FHIT: variants seen among roughly 807,000 people sequenced by gnomAD.
The protein encoded by FHIT is fragile histidine triad diadenosine triphosphatase.
FHIT carries 19 observed loss-of-function variants against 17.9 expected under a neutral mutation model. The ratio of observed to expected loss-of-function variants is 1.06; its 90% CI spans 0.74 to 1.56. FHIT has a LOEUF of 1.56. Ranked by LOEUF, FHIT falls within the 40% of genes most tolerant of loss-of-function variation. FHIT has a pLI of 0.00. For missense variants in FHIT, 248 were observed against 189.2 expected, an observed-to-expected ratio of 1.31 and a Z score of -1.82; for synonymous variants, 81 against 69.7, an observed-to-expected ratio of 1.16 and a Z score of -0.81.
chr3:60,709,224 C>A (rs1359140347), intron 4 of FHIT, among the ~76,000 whole-genome samples: 3 of 152,102 alleles, frequency 2.0e-5, no homozygotes, highest in African/African-American at 7.2e-5. Context: ...TGTAAATATA[C>A]ATATTTTCCC....
chr3:60,051,171 A>G (rs1701862087), intron 5 of FHIT, among the ~76,000 whole-genome samples: 1 of 152,152 alleles, frequency 6.6e-6, no homozygotes, highest in African/African-American at 2.4e-5. Flanking sequence ...GCCTCTCAGC[A>G]GGAGTCATGT....
intron 5 of FHIT, among the ~76,000 whole-genome samples, chr3:60,053,374 C>T (rs914572396): frequency 8.8e-5 from 13 of 148,546 alleles, no homozygotes; most frequent in African/African-American, 7.5e-5. Context: ...TGTCCCTAGC[C>T]CTTAGCAAAA....
chr3:60,712,201 A>G (rs555194098), intron 4 of FHIT, among the ~76,000 whole-genome samples: 7 of 152,164 alleles, frequency 4.6e-5, no homozygotes, highest in Admixed American at 2.6e-4. Context: ...AAGGAGAAAT[A>G]AAATCCTTTA....
chr3:60,555,221 G>A (rs1181114532), intron 4 of FHIT, among the ~76,000 whole-genome samples: 2 of 150,926 alleles, frequency 1.3e-5, no homozygotes, highest in African/African-American at 4.9e-5. Flanking sequence ...GTTCTTCCAG[G>A]CCCTCAGAAG....
At chr3:59,995,295 T>C (rs992272890) in intron 7 of FHIT, among the ~76,000 whole-genome samples, 2 of 152,128 alleles carry the variant, frequency 1.3e-5, no homozygotes, top group African/African-American at 2.4e-5. Context: ...CTCTTGAATC[T>C]AACTGAAGAT....
chr3:60,408,699 T>C (rs1049022966), intron 5 of FHIT, among the ~76,000 whole-genome samples: 2 of 152,132 alleles, frequency 1.3e-5, no homozygotes, highest in Admixed American at 1.3e-4. Flanking sequence ...CATTTACTTA[T>C]CAACTTGGTA....
chr3:60,724,742 A>C (rs188295187), intron 4 of FHIT, among the ~76,000 whole-genome samples: 1 of 142,834 alleles, frequency 7.0e-6, no homozygotes, highest in Non-Finnish European at 1.5e-5. Flanking sequence ...ACCACCTCCC[A>C]GGTTCAAGCA....
In FHIT at chr3:60,114,036, AATATATATATATATATAT is replaced by A. The variant is rs1157736530; in HGVS notation, c.104-99902_104-99885del. Among the ~76,000 whole-genome samples, 109 of 10,220 alleles carry A rather than the reference AATATATATATATATATAT, an allele frequency of 0.011. 7 individuals carry two copies. In the East Asian group the frequency reaches 0.17, roughly 16 times the overall value. The allele number at this position is 10,220 out of a possible 152,430, so 6.7% of individuals were successfully genotyped here. A position where few individuals can be genotyped will look rare whatever the true frequency, so the allele number is the denominator to read the frequency against. On this transcript the variant is annotated intron_variant, in intron 5 of 9. Coordinates refer to ENST00000492590, the MANE Select transcript of FHIT (RefSeq NM_002012.4). ...AAAAAAAAAAAAAAAAAAAAAAAAA[AATATATATATATATATAT>A]ATATATATATATATATATAATGTTA...
chr3:60,205,979 A>C (rs1214211322), intron 5 of FHIT, among the ~76,000 whole-genome samples: 2 of 150,976 alleles, frequency 1.3e-5, no homozygotes, highest in African/African-American at 4.9e-5. Flanking sequence ...AAAAAAATAA[A>C]AAAATTAGCC....
chr3:60,924,436 AC>A (rs1707465511), intron 3 of FHIT, among the ~76,000 whole-genome samples: 1 of 152,178 alleles, frequency 6.6e-6, no homozygotes, highest in Non-Finnish European at 1.5e-5. Context: ...CTGGTGAAAC[AC>A]AGGCAAACAG....
At position 60,106,516 on chromosome 3, in the gene FHIT, C is replaced by G. The variant is rs6806516; in HGVS notation, c.104-92364G>C. On this transcript the variant is annotated intron_variant, in intron 5 of 9. Coordinates refer to ENST00000492590, the MANE Select transcript of FHIT (RefSeq NM_002012.4). ...AGGAAGACATGAACAGAAATGTGTT[C>G]GTTCCTACTGATGGCAATTAGGTTC... Among the ~76,000 whole-genome samples the G allele has an allele frequency of 2.3e-4, 35 of 152,256 alleles. No individual in the cohort carries two copies. In the South Asian group the frequency reaches 6.6e-3, roughly 29 times the overall value.
chr3:60,786,058 G>T (rs1396291146), intron 4 of FHIT, among the ~76,000 whole-genome samples: 1 of 152,202 alleles, frequency 6.6e-6, no homozygotes, highest in African/African-American at 2.4e-5. Flanking sequence ...TACATTCAGT[G>T]TGAATTAGTA....
intron 5 of FHIT, among the ~76,000 whole-genome samples, chr3:60,157,216 G>C (rs929319002): frequency 6.6e-6 from 1 of 152,112 alleles, no homozygotes. Context: ...AAATGCAAAA[G>C]GGCCTGAAAG....
At chr3:60,750,660 A>C (rs573788036) in intron 4 of FHIT, among the ~76,000 whole-genome samples, 2 of 152,246 alleles carry the variant, frequency 1.3e-5, no homozygotes, top group African/African-American at 4.8e-5. Context: ...AAGTCCAATA[A>C]ACCTCTTTCT....
rs540572192 is a variant in FHIT at position 60,346,070 on chromosome 3, T to G, written c.103+190790A>C. Among the ~76,000 whole-genome samples, 3 of 152,304 alleles carry G rather than the reference T, an allele frequency of 2.0e-5. No homozygotes were observed. The South Asian group carries it at 6.2e-4, about 32-fold the overall frequency. On this transcript the variant is annotated intron_variant, in intron 5 of 9. Coordinates refer to ENST00000492590, the MANE Select transcript of FHIT (RefSeq NM_002012.4). ...AATCCCAAGGGCAACTGGTTTAACG[T>G]AATAGAGAAAGTCCTGGCTAGGGAA...
At chr3:61,188,741 A>C (rs529638043) in intron 2 of FHIT, among the ~76,000 whole-genome samples, 23 of 152,232 alleles carry the variant, frequency 1.5e-4, no homozygotes, top group African/African-American at 5.5e-4. Context: ...ACCATGATCA[A>C]GTGGGCTTCA....
intron 5 of FHIT, among the ~76,000 whole-genome samples, chr3:60,380,532 T>G (rs1359003685): frequency 6.6e-6 from 1 of 152,084 alleles, no homozygotes; most frequent in Non-Finnish European, 1.5e-5. Context: ...GCGAGGATAC[T>G]GAGACTCACA....
intron 1 of FHIT, among the ~76,000 whole-genome samples, chr3:61,224,192 T>C (rs2039908501): frequency 6.6e-6 from 1 of 152,222 alleles, no homozygotes; most frequent in Non-Finnish European, 1.5e-5. Flanking sequence ...GCCGTATAGT[T>C]CTAGTTCACA....
intron 5 of FHIT, among the ~76,000 whole-genome samples, chr3:60,059,243 G>A (rs571877897): frequency 2.2e-4 from 34 of 152,292 alleles, no homozygotes; most frequent in African/African-American, 7.2e-4. Context: ...GGGCGAGTGA[G>A]CACAAGCATG....
Sources: gnomAD v4.1 joint callset for allele counts (sites outside exome capture counted in the v4.1 genomes callset) on GRCh38, gnomAD v4.1.1 for gene constraint, MANE v1.5 for transcripts, NCBI Gene and HGNC (gene_info 2026-07-23, HGNC 2026-07-21) for gene names.